CAMTA1: variants seen among roughly 807,000 people sequenced by gnomAD.
CAMTA1 encodes calmodulin binding transcription activator 1, also known as calmodulin-binding transcription activator 1.
In CAMTA1, 27 loss-of-function variants were observed where a neutral mutation model predicts 170.9. The observed-to-expected ratio is 0.16, with a 90% CI of 0.12 to 0.22. CAMTA1 has a LOEUF of 0.22. Among genes scored for constraint, CAMTA1 ranks in the 10% least tolerant of loss-of-function variants. The pLI, the probability that CAMTA1 is intolerant of heterozygous loss-of-function variation, is 1.00. For missense variants in CAMTA1, 1,619 were observed against 2,217.2 expected (o/e 0.73, Z 5.42); for synonymous variants, 833 against 891.5 (o/e 0.93, Z 1.17).
In CAMTA1 at chr1:6,801,659, A is replaced by G. The variant is rs80103754; in HGVS notation, c.45+16084A>G. 3.8e-3 allele frequency among the ~76,000 whole-genome samples: 584 copies of G among 152,320 alleles called. 6 individuals carry two copies. The highest frequency in any genetic ancestry group is 0.013 in the African/African-American group (544 of 41,564). On this transcript the variant is annotated intron_variant, in intron 1 of 22. Transcript: ENST00000303635. ...TAAAGTGGTAAATTTTATGTTATGC[A>G]TATTTTGCCACAATTAAAAAAATAA...
intron 3 of CAMTA1, among the ~76,000 whole-genome samples, chr1:7,086,391 A>G (rs1460331535): frequency 1.3e-5 from 2 of 152,108 alleles, no homozygotes; most frequent in Non-Finnish European, 2.9e-5. Flanking sequence ...CTAATGCCAC[A>G]TCTGGCTGGA....
chr1:7,094,606 G>C (rs1641849252), intron 4 of CAMTA1, among the ~76,000 whole-genome samples: 1 of 152,040 alleles, frequency 6.6e-6, no homozygotes, highest in African/African-American at 2.4e-5. Context: ...TGCTGGCTGG[G>C]GGTTATAAAT....
At chr1:6,949,694 A>G (rs1164985678) in intron 3 of CAMTA1, among the ~76,000 whole-genome samples, 1 of 152,228 alleles carries the variant, frequency 6.6e-6, no homozygotes, top group East Asian at 1.9e-4. Flanking sequence ...CAAATTTTTT[A>G]GTACTTCTGA....
chr1:6,908,510 C>G (rs1679040126), intron 3 of CAMTA1, among the ~76,000 whole-genome samples: 1 of 152,228 alleles, frequency 6.6e-6, no homozygotes, highest in Non-Finnish European at 1.5e-5. Context: ...GCAACGCGAT[C>G]ACCTCCTGAT....
chr1:6,996,705 GAAAGAAAGAAAAAAAGTCACA>G (rs1266143618), intron 3 of CAMTA1, among the ~76,000 whole-genome samples: 1 of 151,838 alleles, frequency 6.6e-6, no homozygotes, highest in Non-Finnish European at 1.5e-5. Flanking sequence ...AAGAAAGAAA[GAAAGAAAGAAAAAAAGTCACA>G]AACCCTCAGA....
At chr1:7,460,001 A>G (rs2093044924) in intron 5 of CAMTA1, among the ~76,000 whole-genome samples, 1 of 152,212 alleles carries the variant, frequency 6.6e-6, no homozygotes, top group Non-Finnish European at 1.5e-5. Context: ...CAGAGTCTGG[A>G]CCAGTGGAGA....
chr1:7,190,049 G>C (rs771235413), intron 4 of CAMTA1, among the ~76,000 whole-genome samples: 2 of 152,166 alleles, frequency 1.3e-5, no homozygotes, highest in African/African-American at 4.8e-5. Flanking sequence ...AACAAACATC[G>C]TATGTTCTCA....
At position 7,580,134 on chromosome 1, in the gene CAMTA1, G is replaced by T. The variant is rs753073275; in HGVS notation, c.511-60266G>T. On this transcript the variant is annotated intron_variant, in intron 6 of 22. Coordinates refer to ENST00000303635, the MANE Select transcript of CAMTA1 (RefSeq NM_015215.4). The surrounding 1 kb of genome is among the most constrained non-coding windows in gnomAD (Gnocchi z 4.3). ...CAGGGAGCATCCCTGCCCACAGCGG[G>T]CTCACAGTCCGAGAGGACACTGGTA... Among the ~76,000 whole-genome samples the T allele has an allele frequency of 8.5e-5, 13 of 152,270 alleles. No homozygotes were observed. The highest frequency in any genetic ancestry group is 1.6e-4 in the Non-Finnish European group (11 of 68,052).
At chr1:7,750,021 A>G (rs532752555) in intron 19 of CAMTA1, among the ~76,000 whole-genome samples, 3 of 152,306 alleles carry the variant, frequency 2.0e-5, no homozygotes, top group Admixed American at 2.0e-4. Context: ...GTGTTAATCC[A>G]TCTAAGCCAG....
intron 5 of CAMTA1, among the ~76,000 whole-genome samples, chr1:7,385,430 T>A (rs934505409): frequency 1.3e-5 from 2 of 152,224 alleles, no homozygotes; most frequent in African/African-American, 2.4e-5. Context: ...ATCTGTTGAT[T>A]TCGGCCTTGC....
chr1:7,691,395 C>T lies in CAMTA1; in HGVS notation c.2914+13662C>T, dbSNP rs946789395. ...AAGGAGAGGAAAGCCACTGAGGGCT[C>T]GAGAGGCAGGGACGTGACCAAGTTG... On this transcript the variant is annotated intron_variant, in intron 11 of 22. Coordinates refer to ENST00000303635, the MANE Select transcript of CAMTA1 (RefSeq NM_015215.4). Among the ~76,000 whole-genome samples the T allele has an allele frequency of 1.9e-4, 29 of 152,078 alleles. 1 individual carries two copies. Among genetic ancestry groups the T allele is most frequent in the African/African-American group, 6.0e-4 (25 of 41,392 alleles).
chr1:7,085,714 G>A (rs1460057419), intron 3 of CAMTA1, among the ~76,000 whole-genome samples: 1 of 152,276 alleles, frequency 6.6e-6, no homozygotes, highest in South Asian at 2.1e-4. Context: ...AGCAATGCAT[G>A]CTCACCTGCC....
intron 4 of CAMTA1, among the ~76,000 whole-genome samples, chr1:7,239,801 G>T (rs919109484): frequency 2.0e-5 from 3 of 151,924 alleles, no homozygotes; most frequent in African/African-American, 7.3e-5. Context: ...GGAGCATGGC[G>T]CCTTGTGAGG....
chr1:7,689,301 C>T (rs1254642934), intron 11 of CAMTA1, among the ~76,000 whole-genome samples: 3 of 149,972 alleles, frequency 2.0e-5, no homozygotes, highest in Non-Finnish European at 4.4e-5. Context: ...AAGCCAGGCG[C>T]GGTGGCTCAC....
intron 4 of CAMTA1, among the ~76,000 whole-genome samples, chr1:7,154,272 G>A (rs188943501): frequency 4.7e-4 from 72 of 152,234 alleles, no homozygotes; most frequent in African/African-American, 1.4e-3. Context: ...CGAGACTCCC[G>A]TCTGTAGGTG....
At chr1:7,542,965 C>T (rs184430682) in intron 6 of CAMTA1, among the ~76,000 whole-genome samples, 287 of 151,304 alleles carry the variant, frequency 1.9e-3, no homozygotes, top group African/African-American at 6.6e-3. Flanking sequence ...CCCGCATTCA[C>T]GCCATTCTCC....
At position 7,020,928 on chromosome 1, in the gene CAMTA1, C is replaced by T. The variant is rs369946765; in HGVS notation, c.235-70376C>T. ...GGGCCACCAGGCAGCCCTCACCTGT[C>T]CTTGGGCTAGAAGAGCACTTCTTCT... On this transcript the variant is annotated intron_variant, in intron 3 of 22. Transcript: ENST00000303635. Among the ~76,000 whole-genome samples, 185 of 152,342 alleles carry T rather than the reference C, an allele frequency of 1.2e-3. 2 individuals carry two copies. Among genetic ancestry groups the T allele is most frequent in the African/African-American group, 4.4e-3 (182 of 41,586 alleles).
At chr1:7,274,940 G>A (rs576417953) in intron 5 of CAMTA1, among the ~76,000 whole-genome samples, 71 of 152,140 alleles carry the variant, frequency 4.7e-4, no homozygotes, top group South Asian at 8.3e-4. Context: ...TCAGGAGTTC[G>A]AGACCAGCCT....
intron 3 of CAMTA1, among the ~76,000 whole-genome samples, chr1:6,866,017 C>G (rs1443975964): frequency 6.6e-6 from 1 of 152,186 alleles, no homozygotes; most frequent in East Asian, 1.9e-4. Context: ...CTATTATCAA[C>G]TTGAATTTGT....
Sources: allele counts gnomAD v4.1 joint callset (sites outside exome capture counted in the v4.1 genomes callset), GRCh38; gene constraint gnomAD v4.1.1; non-coding constraint Gnocchi (gnomAD v3.1); transcripts MANE v1.5; gene names NCBI Gene and HGNC (gene_info 2026-07-23, HGNC 2026-07-21).